The following ASXL2 variants were observed in gnomAD, a reference collection of about 807,000 sequenced individuals.
The protein encoded by ASXL2 is ASXL transcriptional regulator 2.
A neutral mutation model predicts 122.0 loss-of-function variants in ASXL2; 23 were observed. That is an observed-to-expected ratio of 0.19 (90% CI 0.14 to 0.27). The LOEUF is 0.27. Ranked by LOEUF, ASXL2 falls within the 10% of genes least tolerant of loss-of-function variation. The pLI is 1.00. For synonymous variants in ASXL2, 650 were observed against 637.0 expected, an observed-to-expected ratio of 1.02 and a Z score of -0.31; for missense variants, 1,518 against 1,713.8, an observed-to-expected ratio of 0.89 and a Z score of 2.02.
chr2:25,807,708 A>C (rs1422692175), intron 3 of ASXL2, among the ~76,000 whole-genome samples: 2 of 152,144 alleles, frequency 1.3e-5, no homozygotes, highest in East Asian at 3.9e-4. Context: ...AAAATCACCA[A>C]ATGAATACCC....
intron 3 of ASXL2, among the ~76,000 whole-genome samples, chr2:25,827,177 G>A (rs917506206): frequency 7.9e-5 from 12 of 151,972 alleles, no homozygotes; most frequent in African/African-American, 2.4e-4. Flanking sequence ...TATAGTCATT[G>A]TATCTACAAT....
At chr2:25,828,494 G>A (rs1370212381) in intron 3 of ASXL2, among the ~76,000 whole-genome samples, 11 of 83,168 alleles carry the variant, frequency 1.3e-4, no homozygotes, top group African/African-American at 5.2e-4. Flanking sequence ...GCAACAAAGA[G>A]CAAAACTCCA....
intron 5 of ASXL2, among the ~76,000 whole-genome samples, chr2:25,785,976 G>T (rs374302921): frequency 1.3e-5 from 2 of 152,130 alleles, no homozygotes; most frequent in African/African-American, 2.4e-5. Context: ...AGAGTTAAAC[G>T]CAAACTATGA....
intron 3 of ASXL2, among the ~76,000 whole-genome samples, chr2:25,826,931 C>G (rs1477301292): frequency 6.6e-6 from 1 of 151,642 alleles, no homozygotes; most frequent in Non-Finnish European, 1.5e-5. Flanking sequence ...AGCTCAAATG[C>G]TCCTTCCTCC....
rs1350337926 is a variant in ASXL2 at position 25,738,588 on chromosome 2, GAC to G, written c.*3439_*3440del. On this transcript the variant is annotated 3_prime_UTR_variant, in exon 13 of 13. Coordinates refer to ENST00000435504, the MANE Select transcript of ASXL2 (RefSeq NM_018263.6). The stretch of plus-strand genomic sequence containing the variant: ...TTCTAGAAATAAATAGCAGTGTAAT[GAC>G]CAGAGAAGTCTCCCCACTCCTCACC... 6.6e-6 allele frequency: 1 copy of G among 152,140 alleles called. No homozygotes were observed. The highest frequency in any genetic ancestry group is 1.9e-4 in the East Asian group (1 of 5,200). The allele number at this position is 152,140 out of a possible 1,614,324, so 9.4% of individuals were successfully genotyped here.
chr2:25,835,014 C>A (rs1424363653), intron 3 of ASXL2, among the ~76,000 whole-genome samples: 1 of 151,934 alleles, frequency 6.6e-6, no homozygotes, highest in African/African-American at 2.4e-5. Flanking sequence ...AGTAGAGATG[C>A]AGTTTCACCA....
chr2:25,842,705 TAG>T (rs199928463), intron 2 of ASXL2, among the ~76,000 whole-genome samples: 3 of 146,282 alleles, frequency 2.1e-5, no homozygotes, highest in African/African-American at 5.2e-5. Flanking sequence ...TATATATATA[TAG>T]ATAGATAGAT....
Position 25,808,106 on chromosome 2 carries a change from C to A in ASXL2, c.144-1769G>T, listed in dbSNP as rs548334591. On this transcript the variant is annotated intron_variant, in intron 3 of 12. Transcript: ENST00000435504. ...TTGGGTATATGGGGGGGAAAAAAAA[C>A]AACCAAAACTTGTTCTCCACGGAAT... Among the ~76,000 whole-genome samples, 6 of 151,154 alleles carry A rather than the reference C, an allele frequency of 4.0e-5. No homozygotes were observed. In the East Asian group the frequency reaches 1.2e-3, roughly 29 times the overall value.
intron 4 of ASXL2, among the ~76,000 whole-genome samples, chr2:25,802,002 A>G (rs1175994891): frequency 6.6e-6 from 1 of 152,160 alleles, no homozygotes; most frequent in East Asian, 1.9e-4. Context: ...CGTTTACCAC[A>G]CTGGAATCTT....
chr2:25,757,909 C>T (rs889624738), intron 9 of ASXL2, among the ~76,000 whole-genome samples: 38 of 114,268 alleles, frequency 3.3e-4, no homozygotes, highest in Middle Eastern at 7.6e-3. Flanking sequence ...CCTAACAACC[C>T]TGAGTCTTTA....
chr2:25,830,397 C>T (rs1310183739), intron 3 of ASXL2, among the ~76,000 whole-genome samples: 2 of 152,184 alleles, frequency 1.3e-5, no homozygotes, highest in African/African-American at 4.8e-5. Context: ...TTTGGGAGGC[C>T]GAGACAGGTA....
intron 5 of ASXL2, among the ~76,000 whole-genome samples, chr2:25,797,194 C>A (rs1281563290): frequency 6.6e-6 from 1 of 152,152 alleles, no homozygotes; most frequent in Non-Finnish European, 1.5e-5. Flanking sequence ...CACCTGTAAT[C>A]CCAGCACTTT....
intron 11 of ASXL2, 33 bp downstream of exon 11, chr2:25,753,501 A>G: frequency 6.5e-7 from 1 of 1,530,882 alleles, no homozygotes; most frequent in Middle Eastern, 1.7e-4. Context: ...GTAGGAATTA[A>G]CATTTGGTTT....
chr2:25,784,431 T>G (rs1231597650), intron 5 of ASXL2, among the ~76,000 whole-genome samples: 2 of 152,208 alleles, frequency 1.3e-5, no homozygotes, highest in African/African-American at 4.8e-5. Context: ...TATAACATAC[T>G]GAATACATTG....
At chr2:25,850,489 C>A (rs113437909) in intron 1 of ASXL2, among the ~76,000 whole-genome samples, 2 of 152,100 alleles carry the variant, frequency 1.3e-5, no homozygotes, top group Admixed American at 6.5e-5. Context: ...AAATTAGAAT[C>A]GAAATCTAGA....
chr2:25,877,089 T>A (rs1353607753), intron 1 of ASXL2, among the ~76,000 whole-genome samples: 1 of 152,182 alleles, frequency 6.6e-6, no homozygotes, highest in Non-Finnish European at 1.5e-5. Flanking sequence ...TACTTTTATA[T>A]TTAAAAAACT....
chr2:25,795,678 A>C (rs554449556), intron 5 of ASXL2, among the ~76,000 whole-genome samples: 128 of 152,306 alleles, frequency 8.4e-4, no homozygotes, highest in African/African-American at 3.0e-3. Context: ...TGCTTCCCTT[A>C]CTTGATGACC....
rs2089740870 is a variant in ASXL2, at chr2:25,853,387, C to T, written c.58-7824G>A. Reference sequence around the variant, plus strand: ...TTTAGCAGTTATCTACTGATCACTACCTGTGTCCTGAGATGCACTTTTCTG... The same window carrying T: ...TTTAGCAGTTATCTACTGATCACTATCTGTGTCCTGAGATGCACTTTTCTG... On this transcript the variant is annotated intron_variant, in intron 1 of 12. Transcript: ENST00000435504. Among the ~76,000 whole-genome samples, 5 of 152,188 alleles carry T rather than the reference C, an allele frequency of 3.3e-5. No individual in the cohort carries two copies. In the South Asian group the frequency reaches 1.0e-3, roughly 31 times the overall value.
chr2:25,771,629 T>A (rs1201926714), intron 5 of ASXL2, 89 bp from the exon 6 acceptor site: 3 of 1,047,222 alleles, frequency 2.9e-6, no homozygotes, highest in Non-Finnish European at 4.2e-6. Flanking sequence ...CTACCTGGAG[T>A]AAGAACTATG....
Sources: gnomAD v4.1 joint callset for allele counts (sites outside exome capture counted in the v4.1 genomes callset) on GRCh38, gnomAD v4.1.1 for gene constraint, MANE v1.5 for transcripts, NCBI Gene and HGNC (gene_info 2026-07-23, HGNC 2026-07-21) for gene names.